NELL1: variants seen among roughly 807,000 people sequenced by gnomAD.
NELL1 encodes neural EGFL like 1.
A neutral mutation model predicts 107.4 loss-of-function variants in NELL1; 76 were observed. The observed-to-expected ratio is 0.71, with a 90% CI of 0.59 to 0.86. NELL1 has a LOEUF of 0.86. Ranked by LOEUF, NELL1 falls within the 40% of genes least tolerant of loss-of-function variation. NELL1 has a pLI of 0.00. For synonymous variants in NELL1, 353 were observed against 341.2 expected (o/e 1.03, Z -0.38); for missense variants, 1,024 against 1,005.5 (o/e 1.02, Z -0.25).
intron 15 of NELL1, among the ~76,000 whole-genome samples, chr11:21,421,482 T>C (rs1852668188): frequency 6.6e-6 from 1 of 152,096 alleles, no homozygotes; most frequent in East Asian, 1.9e-4. Context: ...GATCCTGTCC[T>C]CCAGATATCA....
At chr11:21,540,720 T>G (rs1279167302) in intron 16 of NELL1, among the ~76,000 whole-genome samples, 1 of 152,038 alleles carries the variant, frequency 6.6e-6, no homozygotes, top group Non-Finnish European at 1.5e-5. Flanking sequence ...CTCACCATCA[T>G]GAGAACAGCC....
At chr11:20,770,365 G>A (rs1255338029) in intron 2 of NELL1, among the ~76,000 whole-genome samples, 1 of 152,212 alleles carries the variant, frequency 6.6e-6, no homozygotes, top group Non-Finnish European at 1.5e-5. Flanking sequence ...CAGCAAGTCT[G>A]CCAAAGGAAA....
At chr11:20,782,794 T>C (rs1856876899) in intron 2 of NELL1, among the ~76,000 whole-genome samples, 1 of 152,220 alleles carries the variant, frequency 6.6e-6, no homozygotes, top group African/African-American at 2.4e-5. Context: ...CTTTGCTCCC[T>C]TAGTGCCCCT....
intron 3 of NELL1, among the ~76,000 whole-genome samples, chr11:20,832,118 T>C (rs762229807): frequency 1.3e-5 from 2 of 152,198 alleles, no homozygotes; most frequent in African/African-American, 2.4e-5. Flanking sequence ...CCCTGAGATA[T>C]TTACTACATA....
At chr11:20,864,405 C>T (rs1849056685) in intron 4 of NELL1, among the ~76,000 whole-genome samples, 1 of 152,196 alleles carries the variant, frequency 6.6e-6, no homozygotes, top group Non-Finnish European at 1.5e-5. Flanking sequence ...ATCTTGTGAA[C>T]TTACTCCTAC....
intron 3 of NELL1, among the ~76,000 whole-genome samples, chr11:20,810,465 A>G (rs1857476773): frequency 6.6e-6 from 1 of 152,190 alleles, no homozygotes; most frequent in African/African-American, 2.4e-5. Context: ...GTGAGAACGT[A>G]TGATGTTTGG....
At chr11:21,120,935 C>G (rs1301935519) in intron 13 of NELL1, among the ~76,000 whole-genome samples, 1 of 152,072 alleles carries the variant, frequency 6.6e-6, no homozygotes, top group East Asian at 1.9e-4. Flanking sequence ...TCCCTACGCC[C>G]TCAGAGGAGG....
intron 5 of NELL1, among the ~76,000 whole-genome samples, chr11:20,905,067 T>C (rs139834666): frequency 6.6e-6 from 1 of 151,740 alleles, no homozygotes; most frequent in East Asian, 1.9e-4. Context: ...CTCAAACTCC[T>C]GGCCTCCAGC....
chr11:20,871,153 TATTA>T (rs1252626711), intron 4 of NELL1, among the ~76,000 whole-genome samples: 2 of 152,208 alleles, frequency 1.3e-5, no homozygotes, highest in African/African-American at 4.8e-5. Flanking sequence ...GCCCTTAATA[TATTA>T]ATTAATTAGT....
intron 14 of NELL1, among the ~76,000 whole-genome samples, chr11:21,340,890 A>G (rs775620708): frequency 1.3e-5 from 2 of 152,136 alleles, no homozygotes; most frequent in Non-Finnish European, 2.9e-5. Context: ...GTTTAGCACC[A>G]AATTTGTGGT....
intron 12 of NELL1, among the ~76,000 whole-genome samples, chr11:20,989,633 C>T (rs879590792): frequency 4.6e-5 from 7 of 152,116 alleles, no homozygotes; most frequent in Non-Finnish European, 8.8e-5. Context: ...AATAACTGCC[C>T]TCAACTATTC....
chr11:21,394,518 G>T (rs1387743072), intron 15 of NELL1, among the ~76,000 whole-genome samples: 1 of 151,286 alleles, frequency 6.6e-6, no homozygotes, highest in Non-Finnish European at 1.5e-5. Flanking sequence ...GGACCCAGAG[G>T]CATGTTTTAT....
chr11:21,241,399 G>A (rs1427641667), intron 14 of NELL1, among the ~76,000 whole-genome samples: 1 of 152,090 alleles, frequency 6.6e-6, no homozygotes, highest in Admixed American at 6.6e-5. Context: ...TCACCTGGTT[G>A]GGTGCCATAT....
At chr11:21,419,463 T>C (rs1852605025) in intron 15 of NELL1, among the ~76,000 whole-genome samples, 1 of 152,046 alleles carries the variant, frequency 6.6e-6, no homozygotes, top group African/African-American at 2.4e-5. Context: ...CTTTTAGGGG[T>C]CACGGAAATA....
At chr11:21,288,745 A>G (rs993635311) in intron 14 of NELL1, among the ~76,000 whole-genome samples, 2 of 152,202 alleles carry the variant, frequency 1.3e-5, no homozygotes, top group Non-Finnish European at 2.9e-5. Flanking sequence ...ACCAGCAATT[A>G]TTTGTCATGA....
intron 5 of NELL1, among the ~76,000 whole-genome samples, chr11:20,908,085 C>T (rs916403628): frequency 3.0e-4 from 45 of 152,244 alleles, no homozygotes; most frequent in East Asian, 2.9e-3. Flanking sequence ...GAAATACGAA[C>T]ATTTTTATGC....
In NELL1 at chr11:21,232,142, A is replaced by T. The variant is rs202220669; in HGVS notation, c.1549+2688A>T. Among the ~76,000 whole-genome samples the T allele has an allele frequency of 5.1e-4, 17 of 33,042 alleles. No individual in the cohort carries two copies. In the South Asian group the frequency reaches 0.026, roughly 51 times the overall value. The allele number at this position is 33,042 out of a possible 152,430, so 21.7% of individuals were successfully genotyped here. ...TGACAAAACTCCATCTCTACTAAAAAAAAATAAAAAAAAAAAAATATATAT... is the reference window on the plus strand; with the variant it reads ...TGACAAAACTCCATCTCTACTAAAATAAAATAAAAAAAAAAAAATATATAT... On this transcript the variant is annotated intron_variant, in intron 14 of 19. Coordinates refer to ENST00000357134, the MANE Select transcript of NELL1 (RefSeq NM_006157.5).
At chr11:21,026,173 AT>A (rs1852809821) in intron 12 of NELL1, among the ~76,000 whole-genome samples, 2 of 152,114 alleles carry the variant, frequency 1.3e-5, no homozygotes, top group South Asian at 4.1e-4. Context: ...AAATCAGATC[AT>A]GTTATTCTTC....
At chr11:21,274,700 T>A (rs1393749588) in intron 14 of NELL1, among the ~76,000 whole-genome samples, 3 of 152,166 alleles carry the variant, frequency 2.0e-5, no homozygotes, top group Non-Finnish European at 4.4e-5. Flanking sequence ...ACAAACTGTC[T>A]CTCAGGCCAC....
Sources: allele counts gnomAD v4.1 joint callset (sites outside exome capture counted in the v4.1 genomes callset), GRCh38; gene constraint gnomAD v4.1.1; transcripts MANE v1.5; gene names NCBI Gene and HGNC (gene_info 2026-07-23, HGNC 2026-07-21).